PER3: variants seen among roughly 807,000 people sequenced by gnomAD.
PER3 encodes the protein period circadian regulator 3, also known as period circadian protein homolog 3.
In PER3, 107 loss-of-function variants were observed where a neutral mutation model predicts 127.2. That is an observed-to-expected ratio of 0.84 (90% confidence interval 0.72 to 0.99). The LOEUF (loss-of-function observed/expected upper bound fraction) is 0.99. PER3 is among the 50% of genes least tolerant of loss of function. The probability of loss-of-function intolerance (pLI) is 0.00; values close to 1 mark genes in which losing one functional copy is unlikely to be tolerated. For synonymous variants in PER3, 618 were observed against 585.8 expected (o/e 1.05, Z -0.79); for missense variants, 1,560 against 1,525.8 (o/e 1.02, Z -0.37).
At chr1:7,832,387 T>A (rs866811692) in intron 19 of PER3, among the ~76,000 whole-genome samples, 2 of 76,810 alleles carry the variant, frequency 2.6e-5, no homozygotes, top group African/African-American at 1.1e-4. Context: ...TTTTTTTTTT[T>A]CCCTGGGACA....
At chr1:7,832,688 A>G (rs1225962063) in intron 19 of PER3, among the ~76,000 whole-genome samples, 1 of 145,736 alleles carries the variant, frequency 6.9e-6, no homozygotes, top group Non-Finnish European at 1.5e-5. Flanking sequence ...TCTAATTTTT[A>G]TTACTTCTTT....
chr1:7,815,019 G>A (rs1344010185), intron 13 of PER3, among the ~76,000 whole-genome samples: 5 of 152,158 alleles, frequency 3.3e-5, no homozygotes, highest in South Asian at 2.1e-4. Flanking sequence ...GACTGAAGCC[G>A]GGAGTGGTGT....
intron 19 of PER3, 85 bp from the exon 20 acceptor site, chr1:7,835,677 G>A (rs975212542): frequency 1.9e-5 from 18 of 946,746 alleles, no homozygotes; most frequent in South Asian, 6.2e-5. Flanking sequence ...AGGACTGTCC[G>A]AGGCAAGAGT....
chr1:7,816,944 ATGTG>A (rs1168924255), intron 13 of PER3, among the ~76,000 whole-genome samples: 1 of 152,252 alleles, frequency 6.6e-6, no homozygotes, highest in Non-Finnish European at 1.5e-5. Context: ...TGGATAAGCT[ATGTG>A]TATCCACACA....
intron 20 of PER3, chr1:7,836,745 C>T (rs1014987729): frequency 6.6e-6 from 2 of 301,968 alleles, no homozygotes; most frequent in East Asian, 5.6e-5. Flanking sequence ...TTTTTTTGCC[C>T]CTTCTAAAAA....
At chr1:7,793,828 T>C (rs1189121330) in intron 5 of PER3, 129 bp from the exon 6 acceptor site, 10 of 774,346 alleles carry the variant, frequency 1.3e-5, no homozygotes, top group Non-Finnish European at 2.3e-6. Context: ...AGGAAGGGGG[T>C]TCTATTTTAA....
At chr1:7,805,354 T>A (rs1282840435) in intron 10 of PER3, among the ~76,000 whole-genome samples, 1 of 152,152 alleles carries the variant, frequency 6.6e-6, no homozygotes, top group African/African-American at 2.4e-5. Flanking sequence ...GAACAGTAGA[T>A]CTACCAGTAA....
chr1:7,793,087 G>A (rs1368031166), intron 5 of PER3, among the ~76,000 whole-genome samples: 1 of 152,172 alleles, frequency 6.6e-6, no homozygotes, highest in African/African-American at 2.4e-5. Context: ...CAATATTTTG[G>A]TTGTTTTGGA....
intron 9 of PER3, among the ~76,000 whole-genome samples, 190 bp downstream of exon 9, chr1:7,803,343 CT>C (rs1321991942): frequency 6.6e-6 from 1 of 151,062 alleles, no homozygotes; most frequent in Non-Finnish European, 1.5e-5. Context: ...AATCCCAGCA[CT>C]TTGGGAGGCC....
At chr1:7,787,566 C>T (rs1462382642) in intron 4 of PER3, 4 of 349,826 alleles carry the variant, frequency 1.1e-5, no homozygotes, top group East Asian at 8.4e-5. Context: ...GGAAAGTATG[C>T]CAATGCTAGC....
In PER3 at chr1:7,827,560, A is replaced by G. The variant is rs1487641538; in HGVS notation, c.2631A>G (p.Pro877=). 1.1e-5 allele frequency: 17 copies of G among 1,613,900 alleles called. No homozygotes were observed. The highest frequency in any genetic ancestry group is 2.7e-5 in the African/African-American group (2 of 74,850). Residue 877 remains proline (P), a synonymous_variant, in exon 18 of 22, where the codon CCA becomes CCG. Transcript: ENST00000377532. ...TGTCGCCATCGTTTTTGCCATGTCCATTCCTGGGGGCGACAGCCTCTTCTG... is the reference window on the plus strand; with the variant it reads ...TGTCGCCATCGTTTTTGCCATGTCCGTTCCTGGGGGCGACAGCCTCTTCTG... ...PLLSPSFLPC[P]FLGATASSAI... is the part of the protein sequence containing the mutation.
rs2097304133 is a variant in PER3, at chr1:7,826,938, T to C, written c.2189-180T>C. Among the ~76,000 whole-genome samples, 1 of 152,170 alleles carries C rather than the reference T, an allele frequency of 6.6e-6. No individual in the cohort carries two copies. The highest frequency in any genetic ancestry group is 2.4e-5 in the African/African-American group (1 of 41,442). On this transcript the variant is annotated intron_variant, in intron 17 of 21. Transcript: ENST00000377532. The surrounding 1 kb of genome is among the most constrained non-coding windows in gnomAD (Gnocchi z 4.2). ...TGATCGAGAGATGCTGAAATAAGTT[T>C]ATTTGATAGCAACTATTTTTATCCG...
rs765064485 is a variant in PER3 at position 7,785,431 on chromosome 1, T to TA, written c.129-9dup. Reference sequence around the variant, plus strand: ...AGAGGATGAAGTTGTAATTTTTTTTTATCTTCCAGTGAACAGCAAGATCGA... The same window carrying TA: ...AGAGGATGAAGTTGTAATTTTTTTTTAATCTTCCAGTGAACAGCAAGATCGA... On this transcript the variant is annotated splice_polypyrimidine_tract_variant and intron_variant, in intron 2 of 21. Transcript: ENST00000377532. 8.1e-6 allele frequency: 13 copies of TA among 1,606,680 alleles called. No individual in the cohort carries two copies. Among genetic ancestry groups the TA allele is most frequent in the Non-Finnish European group, 1.1e-5 (13 of 1,174,468 alleles).
At chr1:7,799,546 G>GTTGCGGTGAGCTGAGA (rs1217471454) in intron 7 of PER3, among the ~76,000 whole-genome samples, 4 of 150,390 alleles carry the variant, frequency 2.7e-5, no homozygotes, top group African/African-American at 4.9e-5. Flanking sequence ...GGAGGCGGAG[G>GTTGCGGTGAGCTGAGA]TTGCGGTGAG....
Position 7,835,847 on chromosome 1 carries a change from G to A in PER3, c.3300G>A (p.Gln1100=). 6.2e-7 allele frequency: 1 copy of A among 1,612,110 alleles called. No homozygotes were observed. Among genetic ancestry groups the A allele is most frequent in the Non-Finnish European group, 8.5e-7 (1 of 1,178,194 alleles). Reference sequence around the variant, plus strand: ...ATGGGCAGCAATCTCAGGACGTACAGAAAAAAGAAACATTTCCTAATGTCG... The same window carrying A: ...ATGGGCAGCAATCTCAGGACGTACAAAAAAAAGAAACATTTCCTAATGTCG... The part of the protein sequence containing the change: ...SQNGQQSQDV[Q]KKETFPNVAE... Residue 1100 remains glutamine, a synonymous_variant, in exon 20 of 22, where the codon CAG becomes CAA. Coordinates refer to ENST00000377532, the MANE Select transcript of PER3 (RefSeq NM_001377275.1).
In PER3 at chr1:7,785,544, G is replaced by C. The variant is rs369440957; in HGVS notation, c.232G>C (p.Asp78His). Residue 78 changes from aspartate (D) to histidine (H), a missense_variant, in exon 3 of 22, where the codon GAT (aspartate) becomes CAT (histidine). Asp to His is a moderately conservative substitution (Grantham distance 81). Transcript: ENST00000377532. ...SERRNKPSTL[D>H]ALNYALRCVH... The stretch of plus-strand genomic sequence containing the variant: ...GAGACGCAATAAACCAAGCACTCTA[G>C]ATGCCCTCAACTATGCTCTCCGCTG... The C allele has an allele frequency of 8.7e-6, 14 of 1,613,656 alleles. No individual in the cohort carries two copies. In the African/African-American group the frequency reaches 1.3e-4, roughly 15 times the overall value.
intron 13 of PER3, among the ~76,000 whole-genome samples, chr1:7,812,133 G>A (rs2097221639): frequency 6.6e-6 from 1 of 152,122 alleles, no homozygotes; most frequent in Non-Finnish European, 1.5e-5. Flanking sequence ...AGCTGCCTGG[G>A]CCTAGGATCT....
chr1:7,820,769 G>T, intron 16 of PER3, 129 bp downstream of exon 16: 1 of 699,788 alleles, frequency 1.4e-6, no homozygotes, highest in Non-Finnish European at 2.3e-6. Flanking sequence ...CCTTTCTTTA[G>T]TTCAGTTAAA....
chr1:7,812,832 A>AT (rs1413509070), intron 13 of PER3, among the ~76,000 whole-genome samples: 1 of 152,076 alleles, frequency 6.6e-6, no homozygotes, highest in Non-Finnish European at 1.5e-5. Context: ...GGAGATCTTG[A>AT]TTTTATTAAC....
Sources: gnomAD v4.1 joint callset for allele counts (sites outside exome capture counted in the v4.1 genomes callset) on GRCh38, gnomAD v4.1.1 for gene constraint, Gnocchi (gnomAD v3.1) non-coding constraint, MANE v1.5 for transcripts, NCBI Gene and HGNC (gene_info 2026-07-23, HGNC 2026-07-21) for gene names.